The following CAMK1D variants were observed in gnomAD, a reference collection of about 807,000 sequenced individuals.
The protein encoded by CAMK1D is calcium/calmodulin dependent protein kinase ID, also known as calcium/calmodulin-dependent protein kinase type 1D.
A neutral mutation model predicts 47.7 loss-of-function variants in CAMK1D; 9 were observed. The observed-to-expected ratio is 0.19, with a 90% CI of 0.11 to 0.33. The LOEUF is 0.33. Among genes scored for constraint, CAMK1D ranks in the 10% least tolerant of loss-of-function variants. CAMK1D has a pLI of 1.00. For missense variants in CAMK1D, 291 were observed against 488.7 expected, an observed-to-expected ratio of 0.60 and a Z score of 3.81; for synonymous variants, 184 against 184.9, an observed-to-expected ratio of 0.99 and a Z score of 0.04.
At chr10:12,540,776 A>G (rs1276197795) in intron 1 of CAMK1D, among the ~76,000 whole-genome samples, 1 of 152,252 alleles carries the variant, frequency 6.6e-6, no homozygotes, top group Non-Finnish European at 1.5e-5. Flanking sequence ...TTAAAGAGGA[A>G]GATGAGAACG....
At chr10:12,745,191 C>G (rs1302303963) in intron 3 of CAMK1D, among the ~76,000 whole-genome samples, 1 of 152,156 alleles carries the variant, frequency 6.6e-6, no homozygotes, top group Non-Finnish European at 1.5e-5. Context: ...CCACCACGCC[C>G]AGCCAATTTT....
At chr10:12,511,553 G>A (rs1275743318) in intron 1 of CAMK1D, among the ~76,000 whole-genome samples, 31 of 152,194 alleles carry the variant, frequency 2.0e-4, no homozygotes, top group Admixed American at 2.0e-3. Flanking sequence ...TGAGGCTGTA[G>A]TGAGTGGTGA....
At chr10:12,445,085 T>G (rs1832889432) in intron 1 of CAMK1D, among the ~76,000 whole-genome samples, 1 of 152,222 alleles carries the variant, frequency 6.6e-6, no homozygotes, top group South Asian at 2.1e-4. Context: ...AGAGACAGGC[T>G]GGAATTTGGT....
At chr10:12,431,933 C>A (rs370595054) in intron 1 of CAMK1D, among the ~76,000 whole-genome samples, 2 of 152,216 alleles carry the variant, frequency 1.3e-5, no homozygotes, top group Admixed American at 6.5e-5. Context: ...TTTGGCCATG[C>A]GGCAGGGTCT....
At chr10:12,578,188 C>T (rs1007611072) in intron 2 of CAMK1D, among the ~76,000 whole-genome samples, 2 of 152,108 alleles carry the variant, frequency 1.3e-5, no homozygotes, top group Non-Finnish European at 2.9e-5. Context: ...GATCCTCTCA[C>T]CTCAGCCTTC....
At chr10:12,817,957 G>T (rs997194330) in intron 8 of CAMK1D, among the ~76,000 whole-genome samples, 1 of 152,174 alleles carries the variant, frequency 6.6e-6, no homozygotes, top group African/African-American at 2.4e-5. Flanking sequence ...CCAAAGTGCT[G>T]GGATTACAGG....
chr10:12,708,506 G>A (rs889622729), intron 3 of CAMK1D, among the ~76,000 whole-genome samples: 3 of 152,146 alleles, frequency 2.0e-5, no homozygotes, highest in East Asian at 3.8e-4. Context: ...TTAAGATCAC[G>A]TAAACACAAT....
At position 12,830,926 on chromosome 10, in the gene CAMK1D, A is replaced by AAACACACAC. The variant is rs1554832589; in HGVS notation, c.*2040_*2041insACACACACA. On this transcript the variant is annotated 3_prime_UTR_variant, in exon 11 of 11. Coordinates refer to ENST00000619168, the MANE Select transcript of CAMK1D (RefSeq NM_153498.4). Reference sequence around the variant, plus strand: ...GTGATGCCCCCCCACCCTCTCAATAAACACACACACACACACACACACACA... The same window carrying AAACACACAC: ...GTGATGCCCCCCCACCCTCTCAATAAAACACACACACACACACACACACACACACACACA... The AAACACACAC allele has an allele frequency of 9.6e-6, 1 of 103,728 alleles. No homozygotes were observed. 6.4% of individuals were successfully genotyped at this position (103,728 alleles called of 1,614,324 possible).
intron 1 of CAMK1D, among the ~76,000 whole-genome samples, chr10:12,548,100 G>A (rs117529451): frequency 9.9e-5 from 15 of 152,270 alleles, no homozygotes; most frequent in East Asian, 5.8e-4. Flanking sequence ...GTAGGAAACC[G>A]AGTTCTATTT....
chr10:12,818,325 T>G (rs1832885324), intron 8 of CAMK1D, among the ~76,000 whole-genome samples: 1 of 152,210 alleles, frequency 6.6e-6, no homozygotes, highest in South Asian at 2.1e-4. Flanking sequence ...TTGTCTTCTT[T>G]TTTTCCTTTA....
intron 1 of CAMK1D, among the ~76,000 whole-genome samples, chr10:12,478,449 G>A (rs1833967672): frequency 6.6e-6 from 1 of 151,904 alleles, no homozygotes; most frequent in African/African-American, 2.4e-5. Flanking sequence ...CTACAGACAT[G>A]TACCACCATC....
intron 3 of CAMK1D, among the ~76,000 whole-genome samples, chr10:12,752,336 A>G (rs1401351571): frequency 6.6e-6 from 1 of 152,200 alleles, no homozygotes; most frequent in Non-Finnish European, 1.5e-5. Flanking sequence ...TTGTGCTAGA[A>G]GAGTTTTAGT....
intron 1 of CAMK1D, among the ~76,000 whole-genome samples, chr10:12,517,755 T>C (rs892582793): frequency 6.6e-6 from 1 of 152,198 alleles, no homozygotes; most frequent in Admixed American, 6.5e-5. Context: ...TTATTATATA[T>C]TGCTGGATCC....
At chr10:12,595,541 A>G (rs1241064815) in intron 2 of CAMK1D, among the ~76,000 whole-genome samples, 1 of 152,008 alleles carries the variant, frequency 6.6e-6, no homozygotes, top group Non-Finnish European at 1.5e-5. Context: ...TGATTGATCC[A>G]GGCCCATCTT....
chr10:12,709,034 G>T (rs1220689789), intron 3 of CAMK1D, among the ~76,000 whole-genome samples: 1 of 152,202 alleles, frequency 6.6e-6, no homozygotes, highest in African/African-American at 2.4e-5. Flanking sequence ...ATGGGAGTGG[G>T]GGGCACAGAT....
At chr10:12,609,611 C>A (rs1316300390) in intron 2 of CAMK1D, among the ~76,000 whole-genome samples, 1 of 152,106 alleles carries the variant, frequency 6.6e-6, no homozygotes, top group Non-Finnish European at 1.5e-5. Flanking sequence ...GGTTCATACT[C>A]CCATGAGAAT....
intron 1 of CAMK1D, among the ~76,000 whole-genome samples, chr10:12,541,563 G>A (rs1013455964): frequency 4.6e-5 from 7 of 152,042 alleles, no homozygotes; most frequent in East Asian, 1.9e-4. Flanking sequence ...GTTTCACCAT[G>A]TTGGTCAGGC....
chr10:12,727,986 G>A (rs900719627), intron 3 of CAMK1D, among the ~76,000 whole-genome samples: 8 of 152,160 alleles, frequency 5.3e-5, no homozygotes, highest in African/African-American at 1.2e-4. Flanking sequence ...GGCTGGTCTC[G>A]GACTCCTGAC....
At chr10:12,749,382 C>T (rs538710647) in intron 3 of CAMK1D, among the ~76,000 whole-genome samples, 4 of 142,796 alleles carry the variant, frequency 2.8e-5, no homozygotes, top group South Asian at 2.2e-4. Context: ...TTCGGTGTCA[C>T]GTCGTGTGTT....
Sources: allele counts gnomAD v4.1 joint callset (sites outside exome capture counted in the v4.1 genomes callset), GRCh38; gene constraint gnomAD v4.1.1; transcripts MANE v1.5; gene names NCBI Gene and HGNC (gene_info 2026-07-23, HGNC 2026-07-21).